NADK: variants seen among roughly 807,000 people sequenced by gnomAD.
NADK encodes NAD kinase.
Under a neutral mutation model 49.8 loss-of-function variants are expected in NADK, and 22 were observed. The ratio of observed to expected loss-of-function variants is 0.44; its 90% CI spans 0.32 to 0.63. NADK has a LOEUF of 0.63. NADK is among the 30% of genes least tolerant of loss of function. The pLI is 0.06. For missense variants in NADK, 438 were observed against 609.4 expected, an observed-to-expected ratio of 0.72 and a Z score of 2.96; for synonymous variants, 268 against 253.7, an observed-to-expected ratio of 1.06 and a Z score of -0.54.
rs549354167 is a variant in NADK, at chr1:1,765,467, A to G, written c.-40-21T>C. 6.2e-6 allele frequency: 7 copies of G among 1,126,956 alleles called. No individual in the cohort carries two copies. The East Asian group carries it at 1.9e-4, about 31-fold the overall frequency. The allele number at this position is 1,126,956 out of a possible 1,614,324, so 69.8% of individuals were successfully genotyped here. On this transcript the variant is annotated intron_variant, in intron 1 of 11. Transcript: ENST00000341426. ...GATGCCTTAATTTAATAAAATAAAT[A>G]ATGTAAATAAAGTAAATAAATATGT...
intron 2 of NADK, among the ~76,000 whole-genome samples, chr1:1,763,973 C>T (rs927221979): frequency 6.6e-6 from 1 of 152,202 alleles, no homozygotes; most frequent in Non-Finnish European, 1.5e-5. Context: ...CCTGGAGGTA[C>T]AGGACAACGA....
intron 1 of NADK, among the ~76,000 whole-genome samples, chr1:1,769,738 A>G (rs1039256906): frequency 1.2e-5 from 1 of 82,490 alleles, no homozygotes; most frequent in Non-Finnish European, 2.8e-5. Flanking sequence ...AAATGAAAAG[A>G]AAAAAAAAAA....
chr1:1,755,319 G>T, intron 7 of NADK, 55 bp downstream of exon 7: 1 of 1,267,098 alleles, frequency 7.9e-7, no homozygotes. Context: ...GCAAGCAAGC[G>T]AGACAGCAGC....
intron 2 of NADK, among the ~76,000 whole-genome samples, chr1:1,763,792 C>T (rs542040686): frequency 1.3e-5 from 2 of 152,226 alleles, no homozygotes; most frequent in East Asian, 1.9e-4. Context: ...CCTCCTCCCC[C>T]ACCTCACCCT....
intron 1 of NADK, among the ~76,000 whole-genome samples, chr1:1,774,520 G>A (rs1316737102): frequency 6.6e-6 from 1 of 152,100 alleles, no homozygotes; most frequent in African/African-American, 2.4e-5. Flanking sequence ...CTCCCAAAGT[G>A]CTGGGATTGC....
At chr1:1,777,275 G>A (rs1420015953) in intron 1 of NADK, among the ~76,000 whole-genome samples, 1 of 152,182 alleles carries the variant, frequency 6.6e-6, no homozygotes, top group South Asian at 2.1e-4. Context: ...GAAGTTCCAA[G>A]GGGACAGGAA....
intron 1 of NADK, among the ~76,000 whole-genome samples, chr1:1,767,834 T>C (rs1645931126): frequency 6.6e-6 from 1 of 152,086 alleles, no homozygotes; most frequent in South Asian, 2.1e-4. Flanking sequence ...ATTCCTACAT[T>C]GAAGCCCTAA....
In NADK at chr1:1,754,558, C is replaced by A; in HGVS notation, c.829G>T (p.Ala277Ser). The A allele has an allele frequency of 6.2e-7, 1 of 1,612,312 alleles. No homozygotes were observed. The highest frequency in any genetic ancestry group is 1.1e-5 in the South Asian group (1 of 90,902). ...AGLDMDVGKQ[A>S]MQYQVLNEVV... The stretch of plus-strand genomic sequence containing the variant: ...CCTCCACTCACCTGGTACTGCATGG[C>A]CTGCTTCCCGACATCCATGTCCAGG... Residue 277 changes from alanine to serine, a missense_variant, in exon 8 of 12, where the codon GCC (alanine) becomes TCC (serine). By Grantham distance (99) the Ala-to-Ser change is moderately conservative (BLOSUM62 1). Coordinates refer to ENST00000341426, the MANE Select transcript of NADK (RefSeq NM_023018.5). This position sits in a 1 kb window ranked among gnomAD's most constrained non-coding sequence, Gnocchi z 4.3.
chr1:1,762,694 T>C (rs1645763738), intron 2 of NADK, among the ~76,000 whole-genome samples: 1 of 152,084 alleles, frequency 6.6e-6, no homozygotes, highest in Non-Finnish European at 1.5e-5. Context: ...GAGGTGGTGG[T>C]TGCAGTGAGC....
At chr1:1,764,437 C>T (rs1338467556) in intron 2 of NADK, among the ~76,000 whole-genome samples, 2 of 152,174 alleles carry the variant, frequency 1.3e-5, no homozygotes, top group Non-Finnish European at 2.9e-5. Flanking sequence ...ACTCTTGGCA[C>T]AGGAGGGAGC....
chr1:1,765,470 G>A (rs1305657214), intron 1 of NADK, 24 bp from the exon 2 acceptor site: 1 of 1,017,958 alleles, frequency 9.8e-7, no homozygotes, highest in African/African-American at 1.6e-5. Context: ...AATAAATAAT[G>A]TAAATAAAGT....
intron 3 of NADK, among the ~76,000 whole-genome samples, chr1:1,760,735 A>C (rs1645695411): frequency 6.7e-6 from 1 of 149,838 alleles, no homozygotes; most frequent in Non-Finnish European, 1.5e-5. Context: ...CAGAGGCCTG[A>C]GAGCTGAGGC....
rs1212280308 is a variant in NADK at position 1,754,813 on chromosome 1, A to T, written c.689-115T>A. ...GCTCTTTCTTCTCCCAAGTTGACAC[A>T]CTTCTGTGCCTTTTTCTTTTTATTT... On this transcript the variant is annotated intron_variant, in intron 7 of 11. Transcript: ENST00000341426. The surrounding 1 kb of genome is among the most constrained non-coding windows in gnomAD (Gnocchi z 4.3). 1 of 954,490 alleles carries T rather than the reference A, an allele frequency of 1.0e-6. No individual in the cohort carries two copies. The highest frequency in any genetic ancestry group is 1.6e-5 in the African/African-American group (1 of 60,824). The allele number at this position is 954,490 out of a possible 1,614,324, so 59.1% of individuals were successfully genotyped here.
Position 1,756,302 on chromosome 1 carries a change from G to T in NADK, c.541C>A (p.Leu181Met). The change falls in exon 6 of 12, where the codon CTG (leucine) becomes ATG (methionine). Residue 181 changes from leucine to methionine, a missense_variant. Transcript: ENST00000341426. ...ISNQIDFIIC[L>M]GGDGTLLYAS... is the part of the protein sequence containing the mutation. ...TACAGCAGCGTCCCGTCTCCCCCCA[G>T]GCAGATGATGAAGTCTATCTGATTG... 1 of 1,614,156 alleles carries T rather than the reference G, an allele frequency of 6.2e-7. No individual in the cohort carries two copies. Among genetic ancestry groups the T allele is most frequent in the Non-Finnish European group, 8.5e-7 (1 of 1,180,032 alleles).
chr1:1,779,475 G>A (rs1646309165), upstream of NADK, among the ~76,000 whole-genome samples: 1 of 152,216 alleles, frequency 6.6e-6, no homozygotes, highest in Non-Finnish European at 1.5e-5. Flanking sequence ...TCCCCCAGGT[G>A]CCAGACATTG....
chr1:1,774,518 G>A (rs1169269335), intron 1 of NADK, among the ~76,000 whole-genome samples: 1 of 152,038 alleles, frequency 6.6e-6, no homozygotes, highest in African/African-American at 2.4e-5. Flanking sequence ...GCCTCCCAAA[G>A]TGCTGGGATT....
chr1:1,759,796 C>T (rs1351862839), intron 3 of NADK: 3 of 1,554,992 alleles, frequency 1.9e-6, no homozygotes, highest in Non-Finnish European at 2.6e-6. Flanking sequence ...ACGCCCTGGT[C>T]TGAGGGCTGA....
At chr1:1,760,040 C>G in intron 3 of NADK, 1 of 909,606 alleles carries the variant, frequency 1.1e-6, no homozygotes, top group Non-Finnish European at 1.7e-6. Context: ...CTCTGGGTCA[C>G]CCACGTGGCT....
chr1:1,757,107 G>A (rs775006575), intron 4 of NADK, 74 bp downstream of exon 4: 13 of 1,541,676 alleles, frequency 8.4e-6, no homozygotes, highest in South Asian at 7.1e-5. Context: ...ATGGTCTCAC[G>A]GGGCGGTGAT....
Sources: gnomAD v4.1 joint callset for allele counts (sites outside exome capture counted in the v4.1 genomes callset) on GRCh38, gnomAD v4.1.1 for gene constraint, Gnocchi (gnomAD v3.1) non-coding constraint, MANE v1.5 for transcripts, NCBI Gene and HGNC (gene_info 2026-07-23, HGNC 2026-07-21) for gene names.